The following USP40 variants were observed in gnomAD, a reference collection of about 807,000 sequenced individuals.
USP40 encodes the protein ubiquitin carboxyl-terminal hydrolase 40.
In USP40, 143 loss-of-function variants were observed where a neutral mutation model predicts 166.2. The observed-to-expected ratio is 0.86, with a 90% CI of 0.75 to 0.99. The LOEUF (loss-of-function observed/expected upper bound fraction) is 0.99, where lower values mean the gene tolerates loss of function less well. Among genes scored for constraint, USP40 ranks in the 50% least tolerant of loss-of-function variants. The pLI is 0.00. For missense variants in USP40, 1,444 were observed against 1,479.7 expected, an observed-to-expected ratio of 0.98 and a Z score of 0.40; for synonymous variants, 498 against 524.0, an observed-to-expected ratio of 0.95 and a Z score of 0.68.
At chr2:233,487,797 A>G (rs1293477347) in intron 28 of USP40, 1 of 363,146 alleles carries the variant, frequency 2.8e-6, no homozygotes, top group Non-Finnish European at 5.5e-6. Flanking sequence ...CCAAGTACTT[A>G]TATTCTAGTA....
Position 233,562,482 on chromosome 2 carries a change from A to G in USP40, c.267+254T>C, listed in dbSNP as rs1553583234. Reference sequence around the variant, plus strand: ...TCGCAAGAACAAAAAACCAAACACCACATATTCTCACTCGTAGGTGGGAAT... The same window carrying G: ...TCGCAAGAACAAAAAACCAAACACCGCATATTCTCACTCGTAGGTGGGAAT... On this transcript the variant is annotated intron_variant, in intron 3 of 31. Transcript: ENST00000678225. Among the ~76,000 whole-genome samples, 10 of 150,498 alleles carry G rather than the reference A, an allele frequency of 6.6e-5. No homozygotes were observed. The East Asian group carries it at 7.9e-4, about 12-fold the overall frequency.
At chr2:233,497,716 T>C (rs569636719) in intron 23 of USP40, among the ~76,000 whole-genome samples, 2 of 152,292 alleles carry the variant, frequency 1.3e-5, no homozygotes, top group African/African-American at 2.4e-5. Context: ...TCTTCTGACA[T>C]CCAAATTTTA....
At chr2:233,560,154 C>T (rs2071442363) in intron 3 of USP40, among the ~76,000 whole-genome samples, 1 of 152,132 alleles carries the variant, frequency 6.6e-6, no homozygotes, top group South Asian at 2.1e-4. Flanking sequence ...ATGGTTCAGA[C>T]AAACATTAAA....
intron 21 of USP40, among the ~76,000 whole-genome samples, chr2:233,506,795 C>G (rs887929720): frequency 6.7e-6 from 1 of 150,244 alleles, no homozygotes; most frequent in African/African-American, 2.5e-5. Context: ...CCTGCGATCC[C>G]AGCTACTTCG....
intron 22 of USP40, 72 bp downstream of exon 22, chr2:233,499,797 TCCTACAACCC>T: frequency 2.4e-6 from 3 of 1,272,858 alleles, no homozygotes; most frequent in Non-Finnish European, 3.3e-6. Flanking sequence ...AATTTTTTTT[TCCTACAACCC>T]TGGAGAAAAA....
chr2:233,499,012 T>C (rs889639711), intron 22 of USP40, among the ~76,000 whole-genome samples: 1 of 152,314 alleles, frequency 6.6e-6, no homozygotes, highest in East Asian at 1.9e-4. Context: ...TTATTTTAAG[T>C]TCTGGGGTAC....
intron 24 of USP40, among the ~76,000 whole-genome samples, chr2:233,494,854 A>C (rs1185406112): frequency 2.1e-5 from 3 of 140,556 alleles, no homozygotes; most frequent in Non-Finnish European, 4.6e-5. Flanking sequence ...CAAAAAAAAA[A>C]CTGTGCAATT....
At chr2:233,553,358 A>C (rs2070757988) in intron 6 of USP40, among the ~76,000 whole-genome samples, 1 of 152,186 alleles carries the variant, frequency 6.6e-6, no homozygotes, top group South Asian at 2.1e-4. Flanking sequence ...AAAACCCACA[A>C]AACATTTTTT....
Position 233,523,445 on chromosome 2 carries a change from T to C in USP40, c.1926A>G (p.Leu642=), listed in dbSNP as rs780901880. ...TGTCTAGATGAAGAACATTTAAAAG[T>C]AGAGGTTCGCAGTCAATACCAGTTT... ...HIQTGIDCEP[L]LLNVLHLDTS... is the part of the protein sequence containing the mutation. Residue 642 remains leucine, a synonymous_variant, in exon 16 of 32, where the codon CTA becomes CTG. Transcript: ENST00000678225. 46 of 1,613,820 alleles carry C rather than the reference T, an allele frequency of 2.9e-5. No homozygotes were observed. Among genetic ancestry groups the C allele is most frequent in the Non-Finnish European group, 3.1e-5 (36 of 1,179,886 alleles).
intron 12 of USP40, among the ~76,000 whole-genome samples, chr2:233,528,863 T>C (rs541013460): frequency 6.6e-6 from 1 of 152,272 alleles, no homozygotes; most frequent in African/African-American, 2.4e-5. Context: ...AAAGAAGCAG[T>C]TCAGAGTCAA....
chr2:233,498,433 AT>A, intron 23 of USP40, 114 bp downstream of exon 23: 1 of 912,078 alleles, frequency 1.1e-6, no homozygotes, highest in East Asian at 2.7e-5. Flanking sequence ...ATTCATAGAT[AT>A]TTGTATCCTA....
At chr2:233,552,542 T>C (rs979894252) in intron 6 of USP40, among the ~76,000 whole-genome samples, 2 of 152,238 alleles carry the variant, frequency 1.3e-5, no homozygotes, top group Admixed American at 6.5e-5. Flanking sequence ...TATTTTGTAA[T>C]GTGAACATGA....
At chr2:233,544,821 G>T (rs1033641874) in intron 8 of USP40, among the ~76,000 whole-genome samples, 2 of 152,160 alleles carry the variant, frequency 1.3e-5, no homozygotes, top group Non-Finnish European at 2.9e-5. Context: ...GAACTGGCTT[G>T]CCTTGACCTT....
rs1382788477 is a variant in USP40 at position 233,485,802 on chromosome 2, G to A, written c.3373C>T (p.Pro1125Ser). ...VEKIEIAKYF[P>S]EKFEWLPISS... ...ATCGGAAGCCACTCGAACTTTTCGG[G>A]AAAGTATTTGGCAATTTCAATCTTC... The change falls in exon 29 of 32, where the codon CCC becomes TCC. Residue 1125 changes from proline (P) to serine (S), a missense_variant. By Grantham distance (74) the Pro-to-Ser change is moderately conservative. Coordinates refer to ENST00000678225, the MANE Select transcript of USP40 (RefSeq NM_001365479.2). 1.2e-6 allele frequency: 2 copies of A among 1,612,190 alleles called. No individual in the cohort carries two copies. The highest frequency in any genetic ancestry group is 2.7e-5 in the African/African-American group (2 of 74,804).
At chr2:233,520,591 A>C (rs558440112) in intron 17 of USP40, among the ~76,000 whole-genome samples, 2 of 152,258 alleles carry the variant, frequency 1.3e-5, no homozygotes, top group East Asian at 3.9e-4. Context: ...AAAACAATTT[A>C]AGATAAATTT....
At chr2:233,511,594 G>T (rs547960492) in intron 20 of USP40, 115 bp downstream of exon 20, 1 of 683,828 alleles carries the variant, frequency 1.5e-6, no homozygotes, top group Non-Finnish European at 2.4e-6. Flanking sequence ...TAAAATGTAT[G>T]ATTTAAGAAA....
rs1272397325 is a variant in USP40, at chr2:233,523,370, G to A, written c.2001C>T (p.Val667=). ...TGCCCACTTCTGCATTAGCTGGAAA[G>A]ACATGTGGAGATTCTATCACCTGAC... ...KCCQVIESPH[V]FPANAEVGTV... is the part of the protein sequence containing the mutation. The change falls in exon 16 of 32, where the codon GTC becomes GTT. Residue 667 remains valine (V), a synonymous_variant. Transcript: ENST00000678225. 1.2e-6 allele frequency: 2 copies of A among 1,613,904 alleles called. No individual in the cohort carries two copies. Among genetic ancestry groups the A allele is most frequent in the Non-Finnish European group, 8.5e-7 (1 of 1,179,900 alleles).
At chr2:233,565,693 G>A in intron 1 of USP40, 120 bp from the exon 2 acceptor site, 5 of 892,606 alleles carry the variant, frequency 5.6e-6, no homozygotes, top group Non-Finnish European at 8.3e-6. Flanking sequence ...CTGTTTCTAT[G>A]TACAGTAGTT....
At chr2:233,550,759 T>G (rs1479851079) in intron 7 of USP40, among the ~76,000 whole-genome samples, 2 of 152,126 alleles carry the variant, frequency 1.3e-5, no homozygotes, top group Non-Finnish European at 2.9e-5. Context: ...GTAGGTTGAT[T>G]TTGTAATTAA....
Sources: allele counts gnomAD v4.1 joint callset (sites outside exome capture counted in the v4.1 genomes callset), GRCh38; gene constraint gnomAD v4.1.1; transcripts MANE v1.5; gene names NCBI Gene and HGNC (gene_info 2026-07-23, HGNC 2026-07-21).